The following GPR108 variants were observed in gnomAD, a reference collection of about 807,000 sequenced individuals.
GPR108 encodes the protein protein GPR108.
Under a neutral mutation model 74.3 loss-of-function variants are expected in GPR108, and 60 were observed. That is an observed-to-expected ratio of 0.81 (90% CI 0.66 to 1.00). The LOEUF (loss-of-function observed/expected upper bound fraction) is 1.00. Among genes scored for constraint, GPR108 ranks in the 50% least tolerant of loss-of-function variants. The pLI is 0.00. For synonymous variants in GPR108, 311 were observed against 292.4 expected (o/e 1.06, Z -0.65); for missense variants, 667 against 703.3 (o/e 0.95, Z 0.58).
In GPR108 at chr19:6,733,996, C is replaced by T. The variant is rs762927627; in HGVS notation, c.549+9G>A. 10 of 1,614,062 alleles carry T rather than the reference C, an allele frequency of 6.2e-6. No homozygotes were observed. In the South Asian group the frequency reaches 1.1e-4, roughly 18 times the overall value. ...GTGCATCTTCCCTCCTGCCCCGCCT[C>T]CCCGAAACCTGAATCACTGCGGGTG... On this transcript the variant is annotated intron_variant, in intron 6 of 17. Coordinates refer to ENST00000264080, the MANE Select transcript of GPR108 (RefSeq NM_001080452.2).
In GPR108 at chr19:6,729,970, C is replaced by T. The variant is rs558241160; in HGVS notation, c.*342G>A. The T allele has an allele frequency of 1.0e-5, 3 of 292,756 alleles. No homozygotes were observed. In the South Asian group the frequency reaches 1.3e-4, roughly 13 times the overall value. 18.1% of individuals were successfully genotyped at this position (292,756 alleles called of 1,614,324 possible). ...GACACGGACCCTGTGCCCGCGCCCCCGCCACACACAGCGAAAACAGGTTTC... is the reference window on the plus strand; with the variant it reads ...GACACGGACCCTGTGCCCGCGCCCCTGCCACACACAGCGAAAACAGGTTTC... On this transcript the variant is annotated 3_prime_UTR_variant, in exon 18 of 18. Transcript: ENST00000264080.
At chr19:6,734,328 G>A (rs375910620) in intron 4 of GPR108, 21 bp from the exon 5 acceptor site, 5 of 1,609,556 alleles carry the variant, frequency 3.1e-6, no homozygotes, top group Non-Finnish European at 1.7e-6. Flanking sequence ...GGTGGGGTGG[G>A]GCATGAGGCT....
At chr19:6,734,760 T>C (rs163915) in intron 4 of GPR108, among the ~76,000 whole-genome samples, 125,337 of 151,552 alleles carry the variant, frequency 0.83, 52,047 homozygotes, top group African/African-American at 0.89. Context: ...AGGCTGGTCT[T>C]GAACTCCTGG....
intron 9 of GPR108, 50 bp from the exon 10 acceptor site, chr19:6,733,112 T>C (rs1208683573): frequency 6.2e-7 from 1 of 1,612,484 alleles, no homozygotes; most frequent in Non-Finnish European, 8.5e-7. Flanking sequence ...CAGCAGAGCA[T>C]AGGGATGGGG....
At chr19:6,730,563 A>G in intron 17 of GPR108, 179 bp from the exon 18 acceptor site, 3 of 596,662 alleles carry the variant, frequency 5.0e-6, no homozygotes, top group East Asian at 2.9e-5. Flanking sequence ...CGCAGGCCCT[A>G]CCCTTCTACT....
intron 17 of GPR108, 131 bp from the exon 18 acceptor site, chr19:6,730,515 G>T: frequency 1.4e-6 from 1 of 703,448 alleles, no homozygotes; most frequent in Admixed American, 2.3e-5. Context: ...CTCTACCCCA[G>T]ACTCACCCAG....
At chr19:6,736,571 A>C (rs1430254489) in intron 2 of GPR108, 21 bp downstream of exon 2, 2 of 1,609,368 alleles carry the variant, frequency 1.2e-6, no homozygotes, top group Admixed American at 1.7e-5. Context: ...CTCCTCCAGC[A>C]AACTCCTCAA....
At chr19:6,735,398 TCA>T (rs1166405289) in intron 4 of GPR108, 1 of 516,650 alleles carries the variant, frequency 1.9e-6, no homozygotes, top group African/African-American at 1.9e-5. Context: ...TTATTCATTC[TCA>T]CAACAACCCT....
Position 6,733,278 on chromosome 19 carries a change from G to A in GPR108, c.747C>T (p.Pro249=), listed in dbSNP as rs556774468. The A allele has an allele frequency of 3.7e-5, 60 of 1,613,704 alleles. No individual in the cohort carries two copies. In the East Asian group the frequency reaches 6.2e-4, roughly 17 times the overall value. The change falls in exon 9 of 18, where the codon CCC becomes CCT. Residue 249 remains proline (P), a synonymous_variant. Coordinates refer to ENST00000264080, the MANE Select transcript of GPR108 (RefSeq NM_001080452.2). ...DITVMIREKN[P]DGFLSAAEMP... is the part of the protein sequence containing the mutation. The stretch of plus-strand genomic sequence containing the variant: ...TCTCCGCTGCCGACAGGAAGCCATC[G>A]GGGTTCTTCTCCCGGATCATCACCT...
intron 1 of GPR108, chr19:6,737,017 G>A: frequency 2.4e-6 from 1 of 422,578 alleles, no homozygotes; most frequent in Non-Finnish European, 4.4e-6. Flanking sequence ...TCACCTTCCC[G>A]AAGAACTTTT....
chr19:6,730,176 C>T lies in GPR108; in HGVS notation c.*136G>A, dbSNP rs760256186. ...GACTCTTCTTCCAAATGGGCTTGTC[C>T]GGGAACCGGGGTCCCGGGGAGCTGG... On this transcript the variant is annotated 3_prime_UTR_variant, in exon 18 of 18. Coordinates refer to ENST00000264080, the MANE Select transcript of GPR108 (RefSeq NM_001080452.2). 3 of 805,514 alleles carry T rather than the reference C, an allele frequency of 3.7e-6. No individual in the cohort carries two copies. Among genetic ancestry groups the T allele is most frequent in the African/African-American group, 3.4e-5 (2 of 58,386 alleles). The allele number at this position is 805,514 out of a possible 1,614,324, so 49.9% of individuals were successfully genotyped here.
chr19:6,732,350 G>C lies in GPR108; in HGVS notation c.1038C>G (p.Ile346Met). ...AGGCCCAGCCTGAGCCAATCAGGGC[G>C]ATGGTGATGAAGAGGAGGGCGCCCT... Reference protein sequence around the residue: ...LLKGALLFITIALIGSGWAFI... With the variant: ...LLKGALLFITMALIGSGWAFI... Residue 346 changes from isoleucine (I) to methionine (M), a missense_variant, in exon 12 of 18, where the codon ATC becomes ATG. Physicochemically the swap from Ile to Met is conservative, Grantham distance 10. Transcript: ENST00000264080. 1 of 1,613,524 alleles carries C rather than the reference G, an allele frequency of 6.2e-7. No homozygotes were observed. Among genetic ancestry groups the C allele is most frequent in the Non-Finnish European group, 8.5e-7 (1 of 1,180,028 alleles).
intron 1 of GPR108, 125 bp downstream of exon 1, chr19:6,737,332 G>C: frequency 8.1e-7 from 1 of 1,234,154 alleles, no homozygotes; most frequent in Non-Finnish European, 1.1e-6. Flanking sequence ...CCCGGAAACG[G>C]GGGGCGCCGG....
At chr19:6,732,186 G>A in intron 12 of GPR108, 31 bp from the exon 13 acceptor site, 1 of 1,612,730 alleles carries the variant, frequency 6.2e-7, no homozygotes, top group South Asian at 1.1e-5. Flanking sequence ...GGTGGGCACT[G>A]CCTGGCACGC....
chr19:6,733,373 G>A, intron 8 of GPR108, 72 bp from the exon 9 acceptor site: 2 of 1,492,784 alleles, frequency 1.3e-6, no homozygotes, highest in South Asian at 2.4e-5. Flanking sequence ...CAGCGAGTGG[G>A]GGTCTCCAGC....
At chr19:6,736,482 G>C in intron 2 of GPR108, 110 bp downstream of exon 2, 1 of 1,121,428 alleles carries the variant, frequency 8.9e-7, no homozygotes. Flanking sequence ...AACAGGCTCA[G>C]AGAGATGACG....
rs1158279378 is a variant in GPR108, at chr19:6,734,214, T to TGGCTTCGGGAGCCCTGG, written c.451_467dup (p.Ala158GlyfsTer30). ...CCACCTTGCGGGGGACTGTGGCCTG[T>TGGCTTCGGGAGCCCTGG]GGCTTCGGGAGCCCTGGTTTGGAGG... is the stretch of plus-strand genomic sequence containing the variant. On this transcript the variant is annotated frameshift_variant, in exon 5 of 18. Coordinates refer to ENST00000264080, the MANE Select transcript of GPR108 (RefSeq NM_001080452.2). LOFTEE classifies it high-confidence loss of function. The TGGCTTCGGGAGCCCTGG allele has an allele frequency of 6.2e-7, 1 of 1,614,054 alleles. No individual in the cohort carries two copies. Among genetic ancestry groups the TGGCTTCGGGAGCCCTGG allele is most frequent in the African/African-American group, 1.3e-5 (1 of 74,932 alleles).
chr19:6,735,520 C>T, intron 4 of GPR108, 102 bp downstream of exon 4: 1 of 984,640 alleles, frequency 1.0e-6, no homozygotes. Flanking sequence ...GTGGCTTTCT[C>T]TCTCTGCTTC....
rs369161984 is a variant in GPR108, at chr19:6,730,407, C to A, written c.1560-23G>T. Reference sequence around the variant, plus strand: ...ATTCTGGGGGCAGACAGCGAGGAGGCGTCTAGCGTTGCAGGGCAGCAGGCC... The same window carrying A: ...ATTCTGGGGGCAGACAGCGAGGAGGAGTCTAGCGTTGCAGGGCAGCAGGCC... On this transcript the variant is annotated intron_variant, in intron 17 of 17. Transcript: ENST00000264080. 1.4e-5 allele frequency: 22 copies of A among 1,606,308 alleles called. No individual in the cohort carries two copies. In the African/African-American group the frequency reaches 2.7e-4, roughly 20 times the overall value.
Sources: gnomAD v4.1 joint callset for allele counts (sites outside exome capture counted in the v4.1 genomes callset) on GRCh38, gnomAD v4.1.1 for gene constraint, MANE v1.5 for transcripts, NCBI Gene and HGNC (gene_info 2026-07-23, HGNC 2026-07-21) for gene names.